TRPM6: variants seen among roughly 807,000 people sequenced by gnomAD.
TRPM6 encodes the protein channel kinase 2.
A neutral mutation model predicts 247.6 loss-of-function variants in TRPM6; 111 were observed. The observed-to-expected ratio is 0.45, with a 90% confidence interval of 0.38 to 0.52. The LOEUF is 0.52. Among genes scored for constraint, TRPM6 ranks in the 20% least tolerant of loss-of-function variants. The pLI is 0.00. For missense variants in TRPM6, 2,126 were observed against 2,421.5 expected, an observed-to-expected ratio of 0.88 and a Z score of 2.56; for synonymous variants, 892 against 853.8, an observed-to-expected ratio of 1.04 and a Z score of -0.78.
chr9:74,828,363 A>G (rs868784501), intron 6 of TRPM6, among the ~76,000 whole-genome samples: 1 of 152,214 alleles, frequency 6.6e-6, no homozygotes, highest in African/African-American at 2.4e-5. Flanking sequence ...AAAAGAAAAA[A>G]AAAAAGTATT....
At chr9:74,840,359 C>T (rs1056521476) in intron 4 of TRPM6, 122 bp from the exon 5 acceptor site, 3 of 706,898 alleles carry the variant, frequency 4.2e-6, no homozygotes, top group Non-Finnish European at 7.6e-6. Flanking sequence ...TATGTGGGAT[C>T]TCTTTAAAGT....
chr9:74,732,183 T>G (rs1825542612), intron 37 of TRPM6, among the ~76,000 whole-genome samples: 2 of 152,374 alleles, frequency 1.3e-5, no homozygotes, highest in South Asian at 4.1e-4. Flanking sequence ...TTAAGTCAGA[T>G]AATCTGATGC....
At chr9:74,883,921 G>A (rs553559247) in intron 1 of TRPM6, among the ~76,000 whole-genome samples, 1 of 152,266 alleles carries the variant, frequency 6.6e-6, no homozygotes, top group South Asian at 2.1e-4. Context: ...AGGCCGAGGT[G>A]GGTGGATCAC....
intron 25 of TRPM6, among the ~76,000 whole-genome samples, chr9:74,771,206 G>C (rs2118880074): frequency 6.6e-6 from 1 of 152,314 alleles, no homozygotes; most frequent in South Asian, 2.1e-4. Flanking sequence ...AATGCCCTCA[G>C]AGCGACCTTC....
chr9:74,787,669 A>C lies in TRPM6; in HGVS notation c.2667+945T>G, dbSNP rs1057440085. ...ACATCTAAAACAGTCTGAGTCACAA[A>C]TATTTATGATTACAGTTATAACTGA... is the stretch of plus-strand genomic sequence containing the variant. On this transcript the variant is annotated intron_variant, in intron 20 of 38. Coordinates refer to ENST00000360774, the MANE Select transcript of TRPM6 (RefSeq NM_017662.5). Among the ~76,000 whole-genome samples the C allele has an allele frequency of 2.6e-5, 4 of 152,304 alleles. No homozygotes were observed. In the East Asian group the frequency reaches 7.7e-4, roughly 29 times the overall value.
intron 30 of TRPM6, among the ~76,000 whole-genome samples, chr9:74,749,750 A>T (rs538722920): frequency 6.6e-6 from 1 of 152,324 alleles, no homozygotes; most frequent in African/African-American, 2.4e-5. Flanking sequence ...TGCTGCAATA[A>T]ACCCCTACTC....
rs371226470 is a variant in TRPM6, at chr9:74,761,987, T to C, written c.4672+12A>G. 6.2e-7 allele frequency: 1 copy of C among 1,612,430 alleles called. No homozygotes were observed. The highest frequency in any genetic ancestry group is 1.3e-5 in the African/African-American group (1 of 74,984). On this transcript the variant is annotated intron_variant, in intron 26 of 38. Coordinates refer to ENST00000360774, the MANE Select transcript of TRPM6 (RefSeq NM_017662.5). ...GGACTTAATGCTGATATTTTAAATG[T>C]TTATTCCTTACTTTTAATCTTACAG...
chr9:74,734,579 G>A (rs72614700), intron 36 of TRPM6, among the ~76,000 whole-genome samples: 8,486 of 152,178 alleles, frequency 0.056, 322 homozygotes, highest in East Asian at 0.16. Flanking sequence ...AGGGTTACTG[G>A]GAGGATTAAA....
chr9:74,836,807 T>A (rs1333640403), intron 5 of TRPM6, among the ~76,000 whole-genome samples: 2 of 152,180 alleles, frequency 1.3e-5, no homozygotes, highest in African/African-American at 4.8e-5. Flanking sequence ...TTTCTACACA[T>A]GCCTTCACCT....
chr9:74,757,683 C>T lies in TRPM6; in HGVS notation c.4786-2210G>A, dbSNP rs991564736. ...AATCCCAGCACTCGGGAAACCGAGG[C>T]GGGTGGGTCACCTGAGGTCAGGAGT... On this transcript the variant is annotated intron_variant, in intron 27 of 38. Coordinates refer to ENST00000360774, the MANE Select transcript of TRPM6 (RefSeq NM_017662.5). 3.3e-5 allele frequency among the ~76,000 whole-genome samples: 5 copies of T among 151,890 alleles called. No individual in the cohort carries two copies. In the South Asian group the frequency reaches 6.2e-4, roughly 19 times the overall value.
At chr9:74,800,040 A>G in intron 17 of TRPM6, 1 of 585,614 alleles carries the variant, frequency 1.7e-6, no homozygotes, top group Non-Finnish European at 3.1e-6. Flanking sequence ...TCTGTCGCTC[A>G]GTCGCAGAAG....
intron 25 of TRPM6, among the ~76,000 whole-genome samples, chr9:74,768,938 C>T (rs762423634): frequency 6.6e-6 from 1 of 152,184 alleles, no homozygotes; most frequent in Non-Finnish European, 1.5e-5. Context: ...CTGTCCACAT[C>T]TCATCTGTTC....
intron 3 of TRPM6, among the ~76,000 whole-genome samples, chr9:74,847,057 A>T (rs760125807): frequency 6.6e-6 from 1 of 152,158 alleles, no homozygotes; most frequent in Non-Finnish European, 1.5e-5. Flanking sequence ...GCAAGCCAAC[A>T]ATGGTCTTTT....
intron 1 of TRPM6, among the ~76,000 whole-genome samples, chr9:74,870,997 AAAT>A (rs949635217): frequency 1.3e-5 from 2 of 152,176 alleles, no homozygotes; most frequent in Non-Finnish European, 2.9e-5. Context: ...TATTTTTAAA[AAAT>A]AATAATAATT....
intron 6 of TRPM6, among the ~76,000 whole-genome samples, chr9:74,830,323 C>A (rs1829498548): frequency 6.6e-6 from 1 of 151,496 alleles, no homozygotes; most frequent in Admixed American, 6.6e-5. Flanking sequence ...ACTCAGAACT[C>A]AATGGGCATC....
At chr9:74,874,606 G>A (rs973034008) in intron 1 of TRPM6, among the ~76,000 whole-genome samples, 1 of 152,126 alleles carries the variant, frequency 6.6e-6, no homozygotes, top group Non-Finnish European at 1.5e-5. Context: ...ATATTGTAAA[G>A]TGAGAAGAAA....
intron 11 of TRPM6, among the ~76,000 whole-genome samples, chr9:74,815,411 T>C (rs1208072023): frequency 6.6e-6 from 1 of 152,196 alleles, no homozygotes; most frequent in Non-Finnish European, 1.5e-5. Flanking sequence ...CACCCAAACA[T>C]GTAAGTCCTC....
chr9:74,739,872 G>A lies in TRPM6; in HGVS notation c.5338C>T (p.Arg1780Cys), dbSNP rs760613389. ...GTGCTGACGACTCTCATAGCTTTACGGAGGCCCCCATCCATCTCCTCTCGG... is the reference window on the plus strand; with the variant it reads ...GTGCTGACGACTCTCATAGCTTTACAGAGGCCCCCATCCATCTCCTCTCGG... ...LSREEMDGGL[R>C]KAMRVVSTWS... The change falls in exon 34 of 39, where the codon CGT becomes TGT. Residue 1780 changes from arginine to cysteine, a missense_variant. Physicochemically the swap from Arg to Cys is radical, Grantham distance 180. Around this residue, in one of 3 missense-constraint regions of TRPM6, gnomAD observed 327 missense variants for 397.7 expected, o/e 0.82. Transcript: ENST00000360774. The A allele has an allele frequency of 1.9e-5, 30 of 1,613,888 alleles. No individual in the cohort carries two copies. Among genetic ancestry groups the A allele is most frequent in the Non-Finnish European group, 2.2e-5 (26 of 1,180,002 alleles).
In TRPM6 at chr9:74,858,708, T is replaced by C; in HGVS notation, c.74A>G (p.Glu25Gly). 2 of 1,613,634 alleles carry C rather than the reference T, an allele frequency of 1.2e-6. No individual in the cohort carries two copies. The highest frequency in any genetic ancestry group is 8.5e-7 in the Non-Finnish European group (1 of 1,179,780). The change falls in exon 2 of 39, where the codon GAA becomes GGA. Residue 25 changes from glutamate (E) to glycine (G), a missense_variant. Coordinates refer to ENST00000360774, the MANE Select transcript of TRPM6 (RefSeq NM_017662.5). The part of the protein sequence containing the change: ...SWIKGVFDKR[E>G]CSTIIPSSKN... ...TGAGCTGGGTATGATTGTGCTACAT[T>C]CTCTCTTGTCAAATACTCCTTTAAT...
Sources: gnomAD v4.1 joint callset for allele counts (sites outside exome capture counted in the v4.1 genomes callset) on GRCh38, gnomAD v4.1.1 for gene constraint, gnomAD v4.1.1 regional missense constraint, MANE v1.5 for transcripts, NCBI Gene and HGNC (gene_info 2026-07-23, HGNC 2026-07-21) for gene names.